EPS15: variants seen among roughly 807,000 people sequenced by gnomAD.
EPS15 encodes epidermal growth factor receptor pathway substrate 15, also known as epidermal growth factor receptor substrate 15.
A neutral mutation model predicts 113.8 loss-of-function variants in EPS15; 72 were observed. That is an observed-to-expected ratio of 0.63 (90% confidence interval 0.52 to 0.77). The LOEUF is 0.77. EPS15 is among the 30% of genes least tolerant of loss of function. EPS15 has a pLI of 0.00. For missense variants in EPS15, 1,048 were observed against 1,045.8 expected, an observed-to-expected ratio of 1.00 and a Z score of -0.03; for synonymous variants, 344 against 363.4, an observed-to-expected ratio of 0.95 and a Z score of 0.61.
At chr1:51,415,982 C>A (rs895623003) in intron 13 of EPS15, among the ~76,000 whole-genome samples, 1 of 151,992 alleles carries the variant, frequency 6.6e-6, no homozygotes, top group Admixed American at 6.6e-5. Context: ...ACCACCATCA[C>A]AATGCAATTT....
chr1:51,398,955 T>A (rs1648235196), intron 20 of EPS15, 77 bp downstream of exon 20: 2 of 1,263,588 alleles, frequency 1.6e-6, no homozygotes, highest in Non-Finnish European at 2.2e-6. Flanking sequence ...GGTTCTTTCA[T>A]CACTATGTAT....
intron 1 of EPS15, among the ~76,000 whole-genome samples, chr1:51,518,858 G>A (rs1044852523): frequency 6.6e-6 from 1 of 151,800 alleles, no homozygotes; most frequent in South Asian, 2.1e-4. Flanking sequence ...AAACTTCCTG[G>A]GTAGGTGAAA....
chr1:51,490,929 T>C (rs1232629978), intron 1 of EPS15, among the ~76,000 whole-genome samples: 1 of 152,234 alleles, frequency 6.6e-6, no homozygotes, highest in Admixed American at 6.5e-5. Flanking sequence ...GCTGTAGTTA[T>C]GTAAGATGTT....
At chr1:51,425,815 T>C (rs1388520392) in intron 12 of EPS15, among the ~76,000 whole-genome samples, 1 of 152,230 alleles carries the variant, frequency 6.6e-6, no homozygotes, top group Non-Finnish European at 1.5e-5. Context: ...ATGTAAGATG[T>C]CAAGTAATTA....
chr1:51,461,392 C>T (rs72696159), intron 7 of EPS15, among the ~76,000 whole-genome samples: 2 of 151,656 alleles, frequency 1.3e-5, no homozygotes, highest in Non-Finnish European at 2.9e-5. Flanking sequence ...ATGGTGGCAT[C>T]CACCTGTAGG....
chr1:51,503,832 T>C (rs1231431237), intron 1 of EPS15, among the ~76,000 whole-genome samples: 3 of 152,286 alleles, frequency 2.0e-5, no homozygotes, highest in East Asian at 3.9e-4. Flanking sequence ...GATCATTCAA[T>C]GTGGAAAGAA....
chr1:51,398,989 T>C (rs745933163), intron 20 of EPS15, 43 bp downstream of exon 20: 7 of 1,573,098 alleles, frequency 4.4e-6, no homozygotes, highest in Non-Finnish European at 4.3e-6. Context: ...CTTAGGACAC[T>C]TATTATCCAT....
At chr1:51,486,646 A>C (rs1644129109) in intron 1 of EPS15, among the ~76,000 whole-genome samples, 1 of 152,112 alleles carries the variant, frequency 6.6e-6, no homozygotes, top group Non-Finnish European at 1.5e-5. Flanking sequence ...TGCCTGTGAA[A>C]ATACTGAGAC....
At chr1:51,384,754 G>T (rs1647024524) in intron 21 of EPS15, among the ~76,000 whole-genome samples, 1 of 152,090 alleles carries the variant, frequency 6.6e-6, no homozygotes, top group African/African-American at 2.4e-5. Context: ...AAACCATATA[G>T]ATCAATGGAA....
chr1:51,390,950 C>A (rs1247402510), intron 21 of EPS15, among the ~76,000 whole-genome samples: 15 of 152,290 alleles, frequency 9.8e-5, no homozygotes, highest in African/African-American at 2.2e-4. Context: ...TTGACCCAGC[C>A]ATCCCATTAC....
chr1:51,426,171 T>C (rs567675887), intron 12 of EPS15, among the ~76,000 whole-genome samples: 1 of 152,004 alleles, frequency 6.6e-6, no homozygotes, highest in African/African-American at 2.4e-5. Flanking sequence ...CGACTCTCTC[T>C]CCTTCTAGGG....
intron 23 of EPS15, among the ~76,000 whole-genome samples, chr1:51,363,223 G>A (rs1171045489): frequency 7.9e-5 from 12 of 151,508 alleles, no homozygotes; most frequent in Non-Finnish European, 1.2e-4. Context: ...CCTTGAATCC[G>A]GGAGGCTGAG....
At chr1:51,459,956 A>G (rs562455583) in intron 8 of EPS15, among the ~76,000 whole-genome samples, 20 of 152,256 alleles carry the variant, frequency 1.3e-4, no homozygotes, top group African/African-American at 4.3e-4. Context: ...AATAAAAAGA[A>G]TAAGAAAATG....
At position 51,405,838 on chromosome 1, in the gene EPS15, A is replaced by G; in HGVS notation, c.1677+67T>C. 2.3e-6 allele frequency: 3 copies of G among 1,283,572 alleles called. No homozygotes were observed. In the South Asian group the frequency reaches 3.6e-5, roughly 15 times the overall value. The allele number at this position is 1,283,572 out of a possible 1,614,324, so 79.5% of individuals were successfully genotyped here. On this transcript the variant is annotated intron_variant, in intron 16 of 24. Coordinates refer to ENST00000371733, the MANE Select transcript of EPS15 (RefSeq NM_001981.3). ...AAGGCCATGTATTTATATTAGATAT[A>G]ATGTCAGTGAAACTTGGATCTGCAC... is the stretch of plus-strand genomic sequence containing the variant.
At chr1:51,514,366 T>C (rs2148570255) in intron 1 of EPS15, among the ~76,000 whole-genome samples, 1 of 142,608 alleles carries the variant, frequency 7.0e-6, no homozygotes, top group East Asian at 1.9e-4. Flanking sequence ...AGAGTACTGA[T>C]TTTTTTTTTA....
intron 20 of EPS15, among the ~76,000 whole-genome samples, chr1:51,395,197 A>G (rs533082718): frequency 3.9e-5 from 6 of 152,206 alleles, no homozygotes; most frequent in Non-Finnish European, 7.3e-5. Flanking sequence ...AGAGTTGTAA[A>G]GATAGTACAG....
chr1:51,410,091 T>C (rs1256563572), intron 13 of EPS15, among the ~76,000 whole-genome samples: 1 of 148,854 alleles, frequency 6.7e-6, no homozygotes, highest in African/African-American at 2.5e-5. Flanking sequence ...TAGCTGGGCG[T>C]GGTGGCGCAT....
rs1423848443 is a variant in EPS15 at position 51,431,015 on chromosome 1, CACACACACACACAA to C, written c.1041-9171_1041-9158del. On this transcript the variant is annotated intron_variant, in intron 12 of 24. Coordinates refer to ENST00000371733, the MANE Select transcript of EPS15 (RefSeq NM_001981.3). ...ACACACACACACACACACACACACACACACACACACACAAAAATAAAACTTGCCTTAATTATATA... is the reference window on the plus strand; with the variant it reads ...ACACACACACACACACACACACACACAAATAAAACTTGCCTTAATTATATA... Among the ~76,000 whole-genome samples, 564 of 137,658 alleles carry C rather than the reference CACACACACACACAA, an allele frequency of 4.1e-3. 3 individuals are homozygous for C. The highest frequency in any genetic ancestry group is 0.014 in the African/African-American group (528 of 37,832). The allele number at this position is 137,658 out of a possible 152,430, so 90.3% of individuals were successfully genotyped here.
intron 5 of EPS15, among the ~76,000 whole-genome samples, chr1:51,467,962 T>C (rs1238988266): frequency 6.6e-6 from 1 of 151,832 alleles, no homozygotes; most frequent in African/African-American, 2.4e-5. Flanking sequence ...AGTATTTATA[T>C]ATATATATTT....
Sources: gnomAD v4.1 joint callset for allele counts (sites outside exome capture counted in the v4.1 genomes callset) on GRCh38, gnomAD v4.1.1 for gene constraint, MANE v1.5 for transcripts, NCBI Gene and HGNC (gene_info 2026-07-23, HGNC 2026-07-21) for gene names.